OSBPL9: variants seen among roughly 807,000 people sequenced by gnomAD.
The protein encoded by OSBPL9 is oxysterol binding protein like 9, also known as oxysterol-binding protein-related protein 9.
Under a neutral mutation model 106.6 loss-of-function variants are expected in OSBPL9, and 40 were observed. The ratio of observed to expected loss-of-function variants is 0.38; its 90% CI spans 0.29 to 0.49. The LOEUF is 0.49. Ranked by LOEUF, OSBPL9 falls within the 20% of genes least tolerant of loss-of-function variation. OSBPL9 has a pLI of 0.97. For missense variants in OSBPL9, 609 were observed against 887.2 expected, an observed-to-expected ratio of 0.69 and a Z score of 3.98; for synonymous variants, 269 against 295.4, an observed-to-expected ratio of 0.91 and a Z score of 0.92.
the OSBPL9 span, among the ~76,000 whole-genome samples, chr1:51,520,173 G>A: frequency 6.6e-6 from 1 of 152,140 alleles, no homozygotes; most frequent in Non-Finnish European, 1.5e-5. Flanking sequence ...TCTAGATTAA[G>A]AGCTCCTCAA....
the OSBPL9 span, among the ~76,000 whole-genome samples, chr1:51,542,422 A>G: frequency 6.6e-6 from 1 of 152,096 alleles, no homozygotes; most frequent in African/African-American, 2.4e-5. Flanking sequence ...CTCATTTCCT[A>G]CCTGGGACTT....
intron 16 of OSBPL9, chr1:51,781,568 A>G: frequency 2.6e-6 from 1 of 389,750 alleles, no homozygotes; most frequent in East Asian, 3.8e-5. Flanking sequence ...AGACCATAAT[A>G]TAATTTTATG....
At chr1:51,677,739 CG>C (rs1307367809) in intron 3 of OSBPL9, among the ~76,000 whole-genome samples, 1 of 151,996 alleles carries the variant, frequency 6.6e-6, no homozygotes. Flanking sequence ...TTGGTAGAGA[CG>C]GGGTTTCACC....
At chr1:51,680,713 T>C (rs2148798046) in intron 3 of OSBPL9, among the ~76,000 whole-genome samples, 1 of 152,246 alleles carries the variant, frequency 6.6e-6, no homozygotes, top group East Asian at 1.9e-4. Flanking sequence ...TATTTCATTT[T>C]ATAAATAATA....
chr1:51,653,859 G>A (rs1003550789), intron 2 of OSBPL9, among the ~76,000 whole-genome samples: 4 of 152,068 alleles, frequency 2.6e-5, no homozygotes, highest in East Asian at 1.9e-4. Context: ...AAAATTAGCT[G>A]GATGTGGTGA....
chr1:51,617,929 C>T (rs1398035592), intron 1 of OSBPL9, among the ~76,000 whole-genome samples: 1 of 152,002 alleles, frequency 6.6e-6, no homozygotes, highest in Admixed American at 6.5e-5. Context: ...GGGTTCAGGG[C>T]TTCACTGTTG....
chr1:51,712,137 G>GAAC (rs1660147168), intron 3 of OSBPL9, among the ~76,000 whole-genome samples: 1 of 152,298 alleles, frequency 6.6e-6, no homozygotes, highest in Admixed American at 6.5e-5. Context: ...AGCACTGAGT[G>GAAC]AACGAGACTC....
intron 1 of OSBPL9, among the ~76,000 whole-genome samples, chr1:51,649,371 A>G (rs919569676): frequency 8.5e-5 from 13 of 152,132 alleles, no homozygotes; most frequent in East Asian, 7.7e-4. Flanking sequence ...TCAGTCTCCC[A>G]AAGTGTTGGG....
intron 1 of OSBPL9, among the ~76,000 whole-genome samples, chr1:51,622,185 G>A (rs1005134533): frequency 5.0e-4 from 76 of 152,154 alleles, no homozygotes; most frequent in Admixed American, 4.8e-3. Flanking sequence ...GAACAGGTTG[G>A]GGGAGAGAAG....
chr1:51,779,321 A>G (rs1675779840), intron 15 of OSBPL9, among the ~76,000 whole-genome samples: 1 of 152,244 alleles, frequency 6.6e-6, no homozygotes, highest in Admixed American at 6.5e-5. Context: ...TTCTCAACAA[A>G]TGGTGCTGGG....
chr1:51,727,611 C>T (rs979670136), intron 4 of OSBPL9, among the ~76,000 whole-genome samples: 2 of 152,128 alleles, frequency 1.3e-5, no homozygotes, highest in East Asian at 1.9e-4. Context: ...ATTTCTTAAT[C>T]GTGGTGGTTA....
At chr1:51,761,759 G>A in intron 10 of OSBPL9, 108 bp from the exon 11 acceptor site, 1 of 830,816 alleles carries the variant, frequency 1.2e-6, no homozygotes, top group East Asian at 2.5e-5. Flanking sequence ...ATGAAATAAA[G>A]TTTCAAAAAT....
At chr1:51,565,987 A>G in the OSBPL9 span, 3 of 152,246 alleles carry the variant, frequency 2.0e-5, no homozygotes, top group Admixed American at 2.0e-4. Context: ...TGAGCCAATG[A>G]GTATACTCCA....
chr1:51,758,501 G>C (rs72663133), intron 9 of OSBPL9, among the ~76,000 whole-genome samples: 1 of 151,604 alleles, frequency 6.6e-6, no homozygotes, highest in Non-Finnish European at 1.5e-5. Flanking sequence ...TTTAACAAGA[G>C]TGACTCCATT....
rs529802024 is a variant in OSBPL9, at chr1:51,789,116, A to G, written c.*1327A>G. The G allele has an allele frequency of 3.2e-5, 29 of 901,946 alleles. No homozygotes were observed. The African/African-American group carries it at 3.8e-4, about 12-fold the overall frequency. The allele number at this position is 901,946 out of a possible 1,614,324, so 55.9% of individuals were successfully genotyped here. On this transcript the variant is annotated 3_prime_UTR_variant, in exon 24 of 24. Transcript: ENST00000428468. ...AAGGATAAAAAGTAAATCAAATGCT[A>G]TGATGCCAGTGCAAAACTTCAATGG...
intron 1 of OSBPL9, among the ~76,000 whole-genome samples, chr1:51,590,348 C>T (rs1403562870): frequency 6.6e-6 from 1 of 151,442 alleles, no homozygotes; most frequent in African/African-American, 2.4e-5. Context: ...TGGCCGGGCG[C>T]GGTGGCTCAA....
At chr1:51,579,731 C>T (rs945043437) in intron 1 of OSBPL9, among the ~76,000 whole-genome samples, 4 of 151,804 alleles carry the variant, frequency 2.6e-5, no homozygotes, top group Non-Finnish European at 2.9e-5. Context: ...CATGGTGGTG[C>T]ATGCCTGTAG....
At chr1:51,599,643 C>A (rs1325229655) in intron 2 of OSBPL9, among the ~76,000 whole-genome samples, 1 of 152,144 alleles carries the variant, frequency 6.6e-6, no homozygotes, top group South Asian at 2.1e-4. Context: ...ATTCTACAAG[C>A]TGATAAAATG....
chr1:51,689,778 T>G (rs773991387), intron 3 of OSBPL9, among the ~76,000 whole-genome samples: 10 of 152,196 alleles, frequency 6.6e-5, no homozygotes, highest in Non-Finnish European at 1.2e-4. Context: ...CAGCACTTCA[T>G]TTACCCAATT....
Sources: gnomAD v4.1 joint callset for allele counts (sites outside exome capture counted in the v4.1 genomes callset) on GRCh38, gnomAD v4.1.1 for gene constraint, MANE v1.5 for transcripts, NCBI Gene and HGNC (gene_info 2026-07-23, HGNC 2026-07-21) for gene names.